Variants in LANCL2 observed in about 807,000 individuals in gnomAD.
LANCL2 encodes the protein lanC-like protein 2.
Under a neutral mutation model 56.9 loss-of-function variants are expected in LANCL2, and 33 were observed. That is an observed-to-expected ratio of 0.58 (90% CI 0.44 to 0.78). LANCL2 has a LOEUF of 0.78. Among genes scored for constraint, LANCL2 ranks in the 30% least tolerant of loss-of-function variants. The pLI, the probability that LANCL2 is intolerant of heterozygous loss-of-function variation, is 0.00. For missense variants in LANCL2, 562 were observed against 580.2 expected (o/e 0.97, Z 0.32); for synonymous variants, 233 against 228.2 (o/e 1.02, Z -0.19).
chr7:55,411,062 A>G (rs946038972), intron 5 of LANCL2, among the ~76,000 whole-genome samples: 29 of 152,134 alleles, frequency 1.9e-4, no homozygotes, highest in African/African-American at 6.3e-4. Flanking sequence ...TGTCACCCCA[A>G]AGACATTGTG....
rs116174217 is a variant in LANCL2, at chr7:55,414,191, G to A, written c.1008+2102G>A. 6.6e-3 allele frequency among the ~76,000 whole-genome samples: 1,010 copies of A among 152,220 alleles called. 14 individuals are homozygous for A. The highest frequency in any genetic ancestry group is 0.021 in the African/African-American group (867 of 41,540). On this transcript the variant is annotated intron_variant, in intron 6 of 8. Coordinates refer to ENST00000254770, the MANE Select transcript of LANCL2 (RefSeq NM_018697.4). ...GTGTAGACTAAAGCTCTCTGCCAGC[G>A]GAGAAACAGACCCTGCGCCGTGGAG...
intron 2 of LANCL2, chr7:55,397,136 AAAG>A (rs895464125): frequency 2.0e-5 from 3 of 152,248 alleles, no homozygotes; most frequent in African/African-American, 7.2e-5. Context: ...AAAATTGAAG[AAAG>A]AAGAAGCTAG....
chr7:55,429,794 G>A (rs557842338), intron 8 of LANCL2, among the ~76,000 whole-genome samples: 1 of 152,262 alleles, frequency 6.6e-6, no homozygotes, highest in Non-Finnish European at 1.5e-5. Context: ...AGCTTTGGAT[G>A]TACAGCTCCC....
chr7:55,419,307 A>G (rs900823657), intron 6 of LANCL2, among the ~76,000 whole-genome samples: 1 of 151,266 alleles, frequency 6.6e-6, no homozygotes, highest in African/African-American at 2.4e-5. Context: ...CATTTTATCT[A>G]AGTTGTCAAA....
intron 1 of LANCL2, among the ~76,000 whole-genome samples, chr7:55,369,394 A>G (rs4143242): frequency 0.88 from 134,034 of 152,244 alleles, 59,248 homozygotes; most frequent in African/African-American, 0.91. Flanking sequence ...CTGCCTAGGT[A>G]TGTGGTGTGA....
rs2128993742 is a variant in LANCL2, at chr7:55,401,122, C to T, written c.679-52C>T. ...ATATGACATACTGTTAATTAGACTA[C>T]AACAGGGTACATATACAGTTTTAGA... On this transcript the variant is annotated intron_variant, in intron 4 of 8. Transcript: ENST00000254770. 2.0e-6 allele frequency: 3 copies of T among 1,510,096 alleles called. No homozygotes were observed. The South Asian group carries it at 3.4e-5, about 17-fold the overall frequency. 93.5% of individuals were successfully genotyped at this position (1,510,096 alleles called of 1,614,324 possible). A position where few individuals can be genotyped will look rare whatever the true frequency, so the allele number is the denominator to read the frequency against.
intron 8 of LANCL2, among the ~76,000 whole-genome samples, chr7:55,430,717 C>T (rs577438386): frequency 6.6e-6 from 1 of 152,198 alleles, no homozygotes; most frequent in South Asian, 2.1e-4. Flanking sequence ...TGGTGGGCTA[C>T]TAGCACCTTC....
intron 1 of LANCL2, among the ~76,000 whole-genome samples, chr7:55,385,290 G>A (rs879588101): frequency 6.6e-6 from 1 of 152,152 alleles, no homozygotes; most frequent in African/African-American, 2.4e-5. Flanking sequence ...CAAGACAGTT[G>A]TTGAGTACAG....
chr7:55,433,274 T>G lies in LANCL2; in HGVS notation c.*1954T>G, dbSNP rs577126465. On this transcript the variant is annotated 3_prime_UTR_variant, in exon 9 of 9. Transcript: ENST00000254770. The stretch of plus-strand genomic sequence containing the variant: ...CACGTTTGAAAAACACTATTAGTCT[T>G]TCTAACACACTGAGGGAAAGATTAA... The G allele has an allele frequency of 6.6e-6, 1 of 152,340 alleles. No homozygotes were observed. The highest frequency in any genetic ancestry group is 1.5e-5 in the Non-Finnish European group (1 of 68,032). 9.4% of individuals were successfully genotyped at this position (152,340 alleles called of 1,614,324 possible). A position where few individuals can be genotyped will look rare whatever the true frequency, so the allele number is the denominator to read the frequency against.
Position 55,365,965 on chromosome 7 carries a change from G to A in LANCL2, c.-61G>A. The A allele has an allele frequency of 7.7e-7, 1 of 1,296,070 alleles. No individual in the cohort carries two copies. The highest frequency in any genetic ancestry group is 1.0e-6 in the Non-Finnish European group (1 of 988,800). 80.3% of individuals were successfully genotyped at this position (1,296,070 alleles called of 1,614,324 possible). On this transcript the variant is annotated 5_prime_UTR_variant, in exon 1 of 9. Transcript: ENST00000254770. ...GGGCCCTCGGAGGAGGCGGCGGCGG[G>A]GCGAGCTGCAGCGCCGGGACAGGAG... is the stretch of plus-strand genomic sequence containing the variant.
chr7:55,366,937 G>A (rs1162330610), intron 1 of LANCL2, among the ~76,000 whole-genome samples: 1 of 152,162 alleles, frequency 6.6e-6, no homozygotes, highest in Non-Finnish European at 1.5e-5. Context: ...CTTGAACCAC[G>A]TCTAGGTAGA....
chr7:55,379,127 G>A (rs1286742648), intron 1 of LANCL2, among the ~76,000 whole-genome samples: 2 of 151,838 alleles, frequency 1.3e-5, no homozygotes, highest in African/African-American at 4.9e-5. Context: ...TCCAGCCTGG[G>A]TGACAGAGCG....
intron 2 of LANCL2, among the ~76,000 whole-genome samples, chr7:55,392,863 A>C (rs1790207999): frequency 6.6e-6 from 1 of 152,062 alleles, no homozygotes; most frequent in Non-Finnish European, 1.5e-5. Flanking sequence ...GTTTTAAAGG[A>C]TTCTTTGCTG....
At chr7:55,399,894 G>A in intron 3 of LANCL2, 63 bp from the exon 4 acceptor site, 2 of 1,329,400 alleles carry the variant, frequency 1.5e-6, no homozygotes, top group Non-Finnish European at 2.1e-6. Context: ...AACAGGGTTA[G>A]TGTTTCAGGA....
intron 5 of LANCL2, among the ~76,000 whole-genome samples, chr7:55,403,839 G>A (rs1790373762): frequency 1.3e-5 from 2 of 152,014 alleles, no homozygotes; most frequent in Admixed American, 1.3e-4. Context: ...CAAAATGCTA[G>A]GATTATAGGC....
intron 2 of LANCL2, 47 bp from the exon 3 acceptor site, chr7:55,398,376 A>G: frequency 7.3e-7 from 1 of 1,366,934 alleles, no homozygotes; most frequent in Middle Eastern, 1.8e-4. Context: ...TGAAGATAAA[A>G]GGAAAAGATA....
intron 6 of LANCL2, among the ~76,000 whole-genome samples, chr7:55,412,818 C>T (rs889620844): frequency 1.2e-4 from 18 of 152,192 alleles, no homozygotes; most frequent in African/African-American, 4.3e-4. Context: ...ACAATGATTG[C>T]TCTGTTCAAC....
intron 2 of LANCL2, among the ~76,000 whole-genome samples, chr7:55,396,283 A>C (rs1187687131): frequency 6.6e-6 from 1 of 151,634 alleles, no homozygotes; most frequent in Non-Finnish European, 1.5e-5. Context: ...AACTCCCCTC[A>C]TGCTTCTCAT....
At chr7:55,429,497 T>A (rs1030798707) in intron 8 of LANCL2, among the ~76,000 whole-genome samples, 1 of 152,230 alleles carries the variant, frequency 6.6e-6, no homozygotes, top group African/African-American at 2.4e-5. Context: ...GTCTGCATCG[T>A]CTGTAGTGGT....
Sources: gnomAD v4.1 joint callset for allele counts (sites outside exome capture counted in the v4.1 genomes callset) on GRCh38, gnomAD v4.1.1 for gene constraint, MANE v1.5 for transcripts, NCBI Gene and HGNC (gene_info 2026-07-23, HGNC 2026-07-21) for gene names.